The following MEIS2 variants were observed in gnomAD, a reference collection of about 807,000 sequenced individuals.
The protein encoded by MEIS2 is Meis homeobox 2.
MEIS2 carries 9 observed loss-of-function variants against 58.6 expected under a neutral mutation model. The observed-to-expected ratio is 0.15, with a 90% confidence interval of 0.09 to 0.27. The LOEUF (loss-of-function observed/expected upper bound fraction) is 0.27. Among genes scored for constraint, MEIS2 ranks in the 10% least tolerant of loss-of-function variants. The pLI, the probability that MEIS2 is intolerant of heterozygous loss-of-function variation, is 1.00. For synonymous variants in MEIS2, 221 were observed against 228.4 expected (o/e 0.97, Z 0.29); for missense variants, 427 against 635.0 (o/e 0.67, Z 3.52).
At chr15:37,096,013 C>T (rs913410495) in intron 3 of MEIS2, 3 of 437,094 alleles carry the variant, frequency 6.9e-6, no homozygotes, top group Admixed American at 3.8e-5. Context: ...TAGCTGGAGG[C>T]GGGGGAAAAA....
intron 7 of MEIS2, among the ~76,000 whole-genome samples, chr15:37,076,606 C>T (rs916800257): frequency 2.6e-5 from 4 of 152,000 alleles, no homozygotes; most frequent in Non-Finnish European, 4.4e-5. Flanking sequence ...GAAAGCATGG[C>T]TGACAAGGAA....
intron 8 of MEIS2, among the ~76,000 whole-genome samples, chr15:36,961,736 G>A (rs1391745578): frequency 6.6e-6 from 1 of 151,882 alleles, no homozygotes; most frequent in Non-Finnish European, 1.5e-5. Flanking sequence ...TACTATATTT[G>A]CTTCTATTCA....
chr15:36,900,570 G>A (rs373615289), intron 9 of MEIS2, among the ~76,000 whole-genome samples: 5 of 152,088 alleles, frequency 3.3e-5, no homozygotes, highest in African/African-American at 1.2e-4. Context: ...CAAGAATCAC[G>A]AGGCCTTTCT....
At chr15:37,092,799 T>G (rs965405659) in intron 6 of MEIS2, among the ~76,000 whole-genome samples, 1 of 126,202 alleles carries the variant, frequency 7.9e-6, no homozygotes, top group East Asian at 2.7e-4. Context: ...ACAGAGAGAA[T>G]AGAAAGAAAT....
chr15:36,975,740 G>T (rs1158727093), intron 8 of MEIS2, among the ~76,000 whole-genome samples: 1 of 152,168 alleles, frequency 6.6e-6, no homozygotes, highest in Admixed American at 6.5e-5. Flanking sequence ...TCCAAGGTGA[G>T]ATGACATTAA....
intron 9 of MEIS2, among the ~76,000 whole-genome samples, chr15:36,911,183 A>C (rs184083153): frequency 6.6e-6 from 1 of 151,810 alleles, no homozygotes; most frequent in African/African-American, 2.4e-5. Flanking sequence ...AAATATTTTT[A>C]AAAAAAAGAT....
chr15:37,069,079 C>G (rs1890337844), intron 7 of MEIS2, among the ~76,000 whole-genome samples: 1 of 151,884 alleles, frequency 6.6e-6, no homozygotes, highest in Non-Finnish European at 1.5e-5. Flanking sequence ...TTCTTTTTTG[C>G]CAGCTGAAAG....
At chr15:37,008,014 C>A (rs996664978) in intron 8 of MEIS2, among the ~76,000 whole-genome samples, 15 of 152,116 alleles carry the variant, frequency 9.9e-5, no homozygotes, top group African/African-American at 2.9e-4. Flanking sequence ...AATAAGGATA[C>A]CTTTTTAAAA....
chr15:37,056,890 C>A (rs1888501133), intron 7 of MEIS2, among the ~76,000 whole-genome samples: 1 of 152,234 alleles, frequency 6.6e-6, no homozygotes, highest in African/African-American at 2.4e-5. Context: ...TAGGTTAAGA[C>A]TCTTTCTCAG....
intron 7 of MEIS2, among the ~76,000 whole-genome samples, chr15:37,061,968 T>C (rs1484811079): frequency 1.3e-5 from 2 of 152,334 alleles, no homozygotes; most frequent in African/African-American, 4.8e-5. Flanking sequence ...ATGTTTTATT[T>C]CTTCAAGTAA....
At chr15:37,097,048 A>G (rs1000865672) in intron 2 of MEIS2, among the ~76,000 whole-genome samples, 10 of 152,224 alleles carry the variant, frequency 6.6e-5, no homozygotes, top group African/African-American at 2.2e-4. Flanking sequence ...AAGGTTACAC[A>G]CTGGAGAGCT....
chr15:36,973,763 T>TA (rs1210511211), intron 8 of MEIS2, among the ~76,000 whole-genome samples: 3 of 151,924 alleles, frequency 2.0e-5, no homozygotes, highest in Non-Finnish European at 4.4e-5. Flanking sequence ...AACTTTTAAT[T>TA]AAAAAAACCC....
chr15:36,921,109 A>T (rs1017091925), intron 9 of MEIS2, among the ~76,000 whole-genome samples: 1 of 152,224 alleles, frequency 6.6e-6, no homozygotes, highest in Non-Finnish European at 1.5e-5. Context: ...GCTTTCTAGG[A>T]TGCAGCCCCT....
intron 9 of MEIS2, among the ~76,000 whole-genome samples, chr15:36,909,309 TTAGAGAGCAGGG>T (rs2056891061): frequency 2.0e-5 from 3 of 152,096 alleles, no homozygotes; most frequent in African/African-American, 7.2e-5. Context: ...CTAGATAGCC[TTAGAGAGCAGGG>T]GCCACATCTT....
chr15:36,994,812 T>C (rs927558649), intron 8 of MEIS2, among the ~76,000 whole-genome samples: 3 of 152,210 alleles, frequency 2.0e-5, no homozygotes, highest in Non-Finnish European at 4.4e-5. Flanking sequence ...GTGCGTTTTT[T>C]CTTTTAAAAA....
intron 8 of MEIS2, among the ~76,000 whole-genome samples, chr15:36,983,142 T>TTTA (rs1424286477): frequency 6.6e-6 from 1 of 152,132 alleles, no homozygotes; most frequent in Non-Finnish European, 1.5e-5. Context: ...ACAGAACCTG[T>TTTA]TTAGTTTGAT....
intron 9 of MEIS2, among the ~76,000 whole-genome samples, chr15:36,899,633 A>G (rs911079324): frequency 6.6e-6 from 1 of 152,198 alleles, no homozygotes; most frequent in Non-Finnish European, 1.5e-5. Context: ...GATTTTACGT[A>G]AAATTTGAAG....
chr15:36,982,168 G>T (rs1053984052), intron 8 of MEIS2, among the ~76,000 whole-genome samples: 3 of 151,762 alleles, frequency 2.0e-5, no homozygotes, highest in Non-Finnish European at 2.9e-5. Flanking sequence ...ATATCCTATT[G>T]GTTCTGTTTC....
intron 5 of MEIS2, 84 bp downstream of exon 5, chr15:37,094,443 A>T: frequency 7.4e-7 from 1 of 1,351,228 alleles, no homozygotes; most frequent in Non-Finnish European, 1.0e-6. Context: ...AATCCCTCAC[A>T]CTAGAGGTTT....
Sources: gnomAD v4.1 joint callset for allele counts (sites outside exome capture counted in the v4.1 genomes callset) on GRCh38, gnomAD v4.1.1 for gene constraint, MANE v1.5 for transcripts, NCBI Gene and HGNC (gene_info 2026-07-23, HGNC 2026-07-21) for gene names.